The following DAB1 variants were observed in gnomAD, a reference collection of about 807,000 sequenced individuals.
DAB1 encodes the protein disabled homolog 1.
A neutral mutation model predicts 64.6 loss-of-function variants in DAB1; 15 were observed. The observed-to-expected ratio is 0.23, with a 90% CI of 0.16 to 0.36. The LOEUF (loss-of-function observed/expected upper bound fraction) is 0.36, where lower values mean the gene tolerates loss of function less well. DAB1 is among the 10% of genes least tolerant of loss of function. The pLI is 1.00. For missense variants in DAB1, 596 were observed against 706.7 expected, an observed-to-expected ratio of 0.84 and a Z score of 1.78; for synonymous variants, 235 against 251.9, an observed-to-expected ratio of 0.93 and a Z score of 0.64.
At position 57,305,040 on chromosome 1, in the gene DAB1, A is replaced by G. The variant is rs979953419; in HGVS notation, c.-136-13874T>C. On this transcript the variant is annotated intron_variant, in intron 1 of 14. Transcript: ENST00000371236. ...TTCCTCACCTATTCAAACTCAGCTC[A>G]GCTTTGGAGGTGCCAGCGGGAAACT... 7.2e-5 allele frequency among the ~76,000 whole-genome samples: 11 copies of G among 152,230 alleles called. 1 individual carries two copies. The highest frequency in any genetic ancestry group is 6.5e-4 in the Admixed American group (10 of 15,278).
At chr1:57,631,126 G>A (rs912535599) in intron 7 of DAB1, among the ~76,000 whole-genome samples, 2 of 152,112 alleles carry the variant, frequency 1.3e-5, no homozygotes, top group African/African-American at 2.4e-5. Flanking sequence ...TGGTGGGGGT[G>A]GGCAGGAAAC....
intron 4 of DAB1, among the ~76,000 whole-genome samples, chr1:58,240,086 G>C (rs934050161): frequency 6.6e-6 from 1 of 152,080 alleles, no homozygotes; most frequent in Non-Finnish European, 1.5e-5. Flanking sequence ...CAAACCCAGG[G>C]AACACCAGAA....
At chr1:57,199,701 T>A (rs1216267989) in intron 2 of DAB1, among the ~76,000 whole-genome samples, 1 of 152,152 alleles carries the variant, frequency 6.6e-6, no homozygotes, top group Non-Finnish European at 1.5e-5. Context: ...ATGATGGGCG[T>A]TGAAGTCAGA....
intron 5 of DAB1, among the ~76,000 whole-genome samples, chr1:58,002,061 C>G (rs185183636): frequency 6.6e-6 from 1 of 152,296 alleles, no homozygotes; most frequent in Admixed American, 6.5e-5. Context: ...AACTGGCCCT[C>G]CCAACACATT....
chr1:57,326,219 C>T (rs1013023427), intron 1 of DAB1, among the ~76,000 whole-genome samples: 4 of 152,198 alleles, frequency 2.6e-5, no homozygotes, highest in Admixed American at 1.3e-4. Context: ...CCACCTTGTT[C>T]GCATCCCTCA....
intron 7 of DAB1, among the ~76,000 whole-genome samples, chr1:57,507,969 C>CTGAGT (rs1644364425): frequency 6.6e-6 from 1 of 152,164 alleles, no homozygotes; most frequent in Admixed American, 6.5e-5. Flanking sequence ...TATGTAGATT[C>CTGAGT]CTGAGTCCTA....
intron 3 of DAB1, among the ~76,000 whole-genome samples, chr1:58,358,896 CCT>C (rs1348605692): frequency 8.0e-6 from 1 of 124,516 alleles, no homozygotes; most frequent in Non-Finnish European, 1.7e-5. Context: ...CCACCTTCTG[CCT>C]CTCTCTGTCT....
chr1:58,388,059 T>C (rs967193231), intron 3 of DAB1, among the ~76,000 whole-genome samples: 1 of 152,218 alleles, frequency 6.6e-6, no homozygotes, highest in Non-Finnish European at 1.5e-5. Context: ...ACATTTCTTT[T>C]AGAAAGAAGC....
intron 3 of DAB1, among the ~76,000 whole-genome samples, chr1:58,485,227 C>CT (rs1443712126): frequency 0.099 from 1,385 of 13,940 alleles, 119 homozygotes; most frequent in African/African-American, 0.32. Context: ...GAGTCTACTA[C>CT]TAAAAAAAAA....
chr1:58,410,038 T>G (rs1169152948), intron 3 of DAB1, among the ~76,000 whole-genome samples: 3 of 151,546 alleles, frequency 2.0e-5, no homozygotes, highest in Non-Finnish European at 4.4e-5. Context: ...AAACCTCTCG[T>G]TTTATTAGAA....
At chr1:58,210,257 A>G (rs1570487838) in intron 4 of DAB1, among the ~76,000 whole-genome samples, 1 of 152,224 alleles carries the variant, frequency 6.6e-6, no homozygotes, top group East Asian at 1.9e-4. Flanking sequence ...ATGTTTTCCC[A>G]CTAGGGAGAG....
At chr1:58,118,342 A>G (rs894368020) in intron 5 of DAB1, among the ~76,000 whole-genome samples, 7 of 148,958 alleles carry the variant, frequency 4.7e-5, no homozygotes, top group Non-Finnish European at 1.0e-4. Context: ...ATTCAGCTTA[A>G]GAGCAAAGAC....
chr1:57,978,672 C>A (rs1645983945), intron 5 of DAB1, among the ~76,000 whole-genome samples: 1 of 152,094 alleles, frequency 6.6e-6, no homozygotes, highest in African/African-American at 2.4e-5. Context: ...ATCCATCTGA[C>A]AAAGGGCTAA....
chr1:58,052,133 G>T (rs1244304574), intron 5 of DAB1, among the ~76,000 whole-genome samples: 1 of 152,190 alleles, frequency 6.6e-6, no homozygotes, highest in African/African-American at 2.4e-5. Context: ...CCTATGTCCT[G>T]AATGGTATTG....
intron 1 of DAB1, chr1:58,530,707 T>C (rs752746523): frequency 2.9e-5 from 25 of 872,520 alleles, no homozygotes; most frequent in African/African-American, 4.9e-5. Context: ...ATCCAACAAA[T>C]GAACCATGCC....
intron 6 of DAB1, among the ~76,000 whole-genome samples, chr1:57,804,383 G>A (rs569792706): frequency 6.6e-6 from 1 of 152,250 alleles, no homozygotes; most frequent in Admixed American, 6.5e-5. Context: ...TCCCTTTGGA[G>A]CTCAGCAAAT....
At chr1:57,843,747 T>C (rs956104561) in intron 1 of DAB1, among the ~76,000 whole-genome samples, 2 of 152,134 alleles carry the variant, frequency 1.3e-5, no homozygotes, top group Non-Finnish European at 2.9e-5. Context: ...GCTAGGAGCT[T>C]CCCCTATGTA....
At chr1:58,315,796 G>A (rs1024529546) in intron 4 of DAB1, among the ~76,000 whole-genome samples, 15 of 152,104 alleles carry the variant, frequency 9.9e-5, no homozygotes, top group Non-Finnish European at 1.5e-4. Flanking sequence ...CGTAAATCAC[G>A]GGAGCATCAC....
chr1:57,462,000 C>A (rs1272860844), intron 7 of DAB1, among the ~76,000 whole-genome samples: 2 of 137,428 alleles, frequency 1.5e-5, no homozygotes, highest in Non-Finnish European at 3.0e-5. Flanking sequence ...GTCCCCCAGG[C>A]TCGAGTGCAA....
Sources: gnomAD v4.1 joint callset for allele counts (sites outside exome capture counted in the v4.1 genomes callset) on GRCh38, gnomAD v4.1.1 for gene constraint, MANE v1.5 for transcripts, NCBI Gene and HGNC (gene_info 2026-07-23, HGNC 2026-07-21) for gene names.